Variants in H2BC5 observed in about 807,000 individuals in gnomAD.
H2BC5 encodes histone H2B type 1-D.
H2BC5 carries 9 observed loss-of-function variants against 5.7 expected under a neutral mutation model. The ratio of observed to expected loss-of-function variants is 1.57; its 90% confidence interval spans 0.95 to 2.74. H2BC5 has a LOEUF of 2.74. H2BC5 is among the 30% of genes most tolerant of loss of function. The pLI, the probability that H2BC5 is intolerant of heterozygous loss-of-function variation, is 0.00. For synonymous variants in H2BC5, 133 were observed against 70.9 expected (o/e 1.88, Z -4.40); for missense variants, 175 against 168.8 (o/e 1.04, Z -0.20).
downstream of H2BC5, among the ~76,000 whole-genome samples, chr6:26,159,107 G>A (rs1052352097): frequency 1.3e-5 from 2 of 152,188 alleles, no homozygotes; most frequent in African/African-American, 2.4e-5. Context: ...GCCAGTTTCT[G>A]TCTGAAGCTC....
At chr6:26,162,603 C>T (rs1036044543), downstream of H2BC5, among the ~76,000 whole-genome samples, 5 of 151,762 alleles carry the variant, frequency 3.3e-5, no homozygotes, top group African/African-American at 9.7e-5. Context: ...GCGCAGTGGC[C>T]GGATCTCTGC....
intron 1 of H2BC5, among the ~76,000 whole-genome samples, chr6:26,166,112 C>T (rs1764419053): frequency 6.6e-6 from 1 of 152,204 alleles, no homozygotes; most frequent in African/African-American, 2.4e-5. Flanking sequence ...CTCACTTACT[C>T]AGTGTCTTTG....
chr6:26,166,556 T>C (rs766004427), intron 1 of H2BC5, among the ~76,000 whole-genome samples: 3 of 152,038 alleles, frequency 2.0e-5, no homozygotes, highest in Non-Finnish European at 2.9e-5. Context: ...TTATCTGGGG[T>C]TTACTCCCAG....
downstream of H2BC5, among the ~76,000 whole-genome samples, chr6:26,162,896 T>G (rs1418401685): frequency 1.3e-5 from 2 of 152,168 alleles, no homozygotes; most frequent in Non-Finnish European, 2.9e-5. Flanking sequence ...TTTATGAATT[T>G]TATTCGATCA....
At chr6:26,159,097 G>T (rs1345797916), downstream of H2BC5, among the ~76,000 whole-genome samples, 1 of 152,174 alleles carries the variant, frequency 6.6e-6, no homozygotes, top group East Asian at 1.9e-4. Flanking sequence ...TTGTAATTGG[G>T]CCAGTTTCTG....
At chr6:26,161,034 C>T (rs1435792741), downstream of H2BC5, 1 of 152,024 alleles carries the variant, frequency 6.6e-6, no homozygotes, top group African/African-American at 2.4e-5. Context: ...ATGGTGAAAC[C>T]CCATCTCTAC....
Position 26,158,597 on chromosome 6 carries a change from A to C in H2BC5, c.*47A>C. On this transcript the variant is annotated 3_prime_UTR_variant, in exon 1 of 1. Coordinates refer to ENST00000377777, the MANE Select transcript of H2BC5 (RefSeq NM_021063.4). Reference sequence around the variant, plus strand: ...ACACCTAATCCCAAAGGCTCTTTTAAGAGCCACGCATGTTTTCAATAAATG... The same window carrying C: ...ACACCTAATCCCAAAGGCTCTTTTACGAGCCACGCATGTTTTCAATAAATG... 6.3e-7 allele frequency: 1 copy of C among 1,597,518 alleles called. No individual in the cohort carries two copies. Among genetic ancestry groups the C allele is most frequent in the Non-Finnish European group, 8.5e-7 (1 of 1,172,926 alleles).
downstream of H2BC5, among the ~76,000 whole-genome samples, chr6:26,162,318 C>G (rs916185887): frequency 1.2e-4 from 18 of 151,738 alleles, no homozygotes; most frequent in Non-Finnish European, 1.6e-4. Context: ...TAAAAATGTT[C>G]GATATTCTCT....
chr6:26,159,152 G>T (rs1026874044), downstream of H2BC5, among the ~76,000 whole-genome samples: 3 of 151,968 alleles, frequency 2.0e-5, no homozygotes, highest in African/African-American at 7.3e-5. Flanking sequence ...CGGATCCTAG[G>T]CGCTGAGGTG....
intron 1 of H2BC5, among the ~76,000 whole-genome samples, chr6:26,169,160 T>A (rs116187243): frequency 6.6e-6 from 1 of 152,082 alleles, no homozygotes; most frequent in Non-Finnish European, 1.5e-5. Context: ...AGTGTAAGAT[T>A]AACAGATTAA....
downstream of H2BC5, among the ~76,000 whole-genome samples, chr6:26,162,647 T>C (rs894311634): frequency 2.6e-5 from 4 of 152,130 alleles, no homozygotes; most frequent in Admixed American, 6.6e-5. Flanking sequence ...CCTCCCGCAT[T>C]CATCTCAGCC....
chr6:26,159,243 G>GTTTTTTTTTTT (rs35999697), downstream of H2BC5, among the ~76,000 whole-genome samples: 9 of 61,444 alleles, frequency 1.5e-4, 1 homozygote, highest in African/African-American at 3.3e-4. Context: ...TAATTTATAG[G>GTTTTTTTTTTT]TTTTTTTTTT....
At chr6:26,162,427 C>G (rs1253526467), downstream of H2BC5, among the ~76,000 whole-genome samples, 1 of 152,168 alleles carries the variant, frequency 6.6e-6, no homozygotes, top group Non-Finnish European at 1.5e-5. Context: ...TTGTCTTTTT[C>G]CTCCTGTTCA....
At chr6:26,159,268 T>G (rs1261437628), downstream of H2BC5, among the ~76,000 whole-genome samples, 1 of 144,302 alleles carries the variant, frequency 6.9e-6, no homozygotes, top group Non-Finnish European at 1.5e-5. Context: ...TTTTTTTTTT[T>G]TTTTGGCAGC....
Position 26,158,425 on chromosome 6 carries a change from A to G in H2BC5, c.256A>G (p.Lys86Glu), listed in dbSNP as rs765354029. ...GEASRLAHYN[K>E]RSTITSREIQ... ...GGCTTCCCGCCTGGCGCATTACAACAAGCGCTCGACCATCACCTCCAGGGA... is the reference window on the plus strand; with the variant it reads ...GGCTTCCCGCCTGGCGCATTACAACGAGCGCTCGACCATCACCTCCAGGGA... Residue 86 changes from lysine (K) to glutamate (E), a missense_variant, in exon 1 of 1, where the codon AAG becomes GAG. By Grantham distance (56) the Lys-to-Glu change is moderately conservative. Transcript: ENST00000377777. The G allele has an allele frequency of 5.0e-6, 8 of 1,614,208 alleles. No individual in the cohort carries two copies. Among genetic ancestry groups the G allele is most frequent in the Non-Finnish European group, 6.8e-6 (8 of 1,180,038 alleles).
chr6:26,165,402 C>T (rs531669607), intron 1 of H2BC5, among the ~76,000 whole-genome samples: 3 of 152,194 alleles, frequency 2.0e-5, no homozygotes, highest in Admixed American at 6.5e-5. Flanking sequence ...GCTATTGCAT[C>T]GTTTGAAGCT....
chr6:26,158,358 G>GA lies in H2BC5; in HGVS notation c.191dup (p.Asn64LysfsTer74), dbSNP rs1764274423. The stretch of plus-strand genomic sequence containing the variant: ...TCTCTTCCAAGGCAATGGGGATCAT[G>GA]AATTCCTTCGTCAACGACATCTTCG... On this transcript the variant is annotated frameshift_variant, in exon 1 of 1. Coordinates refer to ENST00000377777, the MANE Select transcript of H2BC5 (RefSeq NM_021063.4). LOFTEE classifies it high-confidence loss of function. 4 of 1,614,178 alleles carry GA rather than the reference G, an allele frequency of 2.5e-6. No homozygotes were observed. Among genetic ancestry groups the GA allele is most frequent in the African/African-American group, 1.3e-5 (1 of 74,962 alleles).
intron 1 of H2BC5, among the ~76,000 whole-genome samples, chr6:26,169,032 T>A (rs1013320207): frequency 7.2e-5 from 11 of 152,062 alleles, no homozygotes; most frequent in Admixed American, 3.3e-4. Context: ...AAAAAATTTT[T>A]AAAAATGGAA....
At chr6:26,165,057 C>T (rs1229867637) in intron 1 of H2BC5, among the ~76,000 whole-genome samples, 1 of 152,138 alleles carries the variant, frequency 6.6e-6, no homozygotes, top group East Asian at 1.9e-4. Context: ...CTGACCTTTC[C>T]ATCCCTGGGA....
Sources: allele counts gnomAD v4.1 joint callset (sites outside exome capture counted in the v4.1 genomes callset), GRCh38; gene constraint gnomAD v4.1.1; transcripts MANE v1.5; gene names NCBI Gene and HGNC (gene_info 2026-07-23, HGNC 2026-07-21).